The following PCDHGB4 variants were observed in gnomAD, a reference collection of about 807,000 sequenced individuals.
PCDHGB4 encodes the protein protocadherin gamma subfamily B, 4.
A neutral mutation model predicts 60.5 loss-of-function variants in PCDHGB4; 38 were observed. The observed-to-expected ratio is 0.63, with a 90% confidence interval of 0.48 to 0.82. The LOEUF (loss-of-function observed/expected upper bound fraction) is 0.82, where lower values mean the gene tolerates loss of function less well. Among genes scored for constraint, PCDHGB4 ranks in the 40% least tolerant of loss-of-function variants. The pLI, the probability that PCDHGB4 is intolerant of heterozygous loss-of-function variation, is 0.00. For missense variants in PCDHGB4, 1,109 were observed against 1,209.6 expected, an observed-to-expected ratio of 0.92 and a Z score of 1.23; for synonymous variants, 456 against 509.7, an observed-to-expected ratio of 0.89 and a Z score of 1.42.
chr5:141,459,117 T>A (rs1489347692), intron 1 of PCDHGB4, among the ~76,000 whole-genome samples: 1 of 152,224 alleles, frequency 6.6e-6, no homozygotes, highest in Non-Finnish European at 1.5e-5. Flanking sequence ...GACAATTGTT[T>A]ACATCTGTGT....
rs746088761 is a variant in PCDHGB4 at position 141,404,246 on chromosome 5, CT to C, written c.2397+13966del. 9.3e-6 allele frequency: 15 copies of C among 1,613,922 alleles called. 1 individual carries two copies. The highest frequency in any genetic ancestry group is 5.0e-5 in the Admixed American group (3 of 60,012). Reference sequence around the variant, plus strand: ...TGCAACAGACAGAGGAACTCCGCCCCTGTCCACAGAAATTCACATCACCCTG... The same window carrying C: ...TGCAACAGACAGAGGAACTCCGCCCCGTCCACAGAAATTCACATCACCCTG... On this transcript the variant is annotated intron_variant, in intron 1 of 3. Coordinates refer to ENST00000519479, the MANE Select transcript of PCDHGB4 (RefSeq NM_003736.4).
chr5:141,453,423 C>T (rs931962019), intron 1 of PCDHGB4, among the ~76,000 whole-genome samples: 2 of 152,120 alleles, frequency 1.3e-5, no homozygotes, highest in African/African-American at 4.8e-5. Context: ...TAAGCCACCA[C>T]ACCTAGCCTA....
chr5:141,446,408 C>A (rs1211716327), intron 1 of PCDHGB4, among the ~76,000 whole-genome samples: 1 of 151,898 alleles, frequency 6.6e-6, no homozygotes, highest in African/African-American at 2.4e-5. Flanking sequence ...GAGTTGAGTT[C>A]CAGCCATGTT....
chr5:141,480,065 A>G (rs2099511928), intron 1 of PCDHGB4, among the ~76,000 whole-genome samples: 1 of 152,220 alleles, frequency 6.6e-6, no homozygotes, highest in Non-Finnish European at 1.5e-5. Flanking sequence ...TAAGTGTTTT[A>G]TAAGATTCAT....
chr5:141,507,023 C>T (rs971356315), intron 3 of PCDHGB4: 16 of 152,348 alleles, frequency 1.1e-4, no homozygotes, highest in African/African-American at 2.4e-4. Flanking sequence ...AAGGCACTTG[C>T]CCCAGGGTCC....
chr5:141,408,144 G>T (rs868032463), intron 1 of PCDHGB4: 1 of 1,496,068 alleles, frequency 6.7e-7, no homozygotes, highest in South Asian at 1.3e-5. Context: ...CTTTTAGCGC[G>T]GTAGAGTGCA....
chr5:141,489,692 G>C lies in PCDHGB4; in HGVS notation c.2398-5115G>C, dbSNP rs768806028. The stretch of plus-strand genomic sequence containing the variant: ...TCAGAATCAGCAGCATCTGGGGCAC[G>C]ATTCCCACTGGACAGTGCCCAGGAT... On this transcript the variant is annotated intron_variant, in intron 1 of 3. Transcript: ENST00000519479. This position sits in a 1 kb window ranked among gnomAD's most constrained non-coding sequence, Gnocchi z 4.5. 6.2e-7 allele frequency: 1 copy of C among 1,614,128 alleles called. No individual in the cohort carries two copies. Among genetic ancestry groups the C allele is most frequent in the South Asian group, 1.1e-5 (1 of 91,080 alleles).
At chr5:141,473,808 C>G (rs1562041705) in intron 1 of PCDHGB4, among the ~76,000 whole-genome samples, 1 of 152,198 alleles carries the variant, frequency 6.6e-6, no homozygotes, top group Non-Finnish European at 1.5e-5. Flanking sequence ...TACTGAGGAG[C>G]AGCTGGACAA....
intron 1 of PCDHGB4, chr5:141,421,621 C>T (rs2154549322): frequency 6.2e-7 from 1 of 1,613,772 alleles, no homozygotes; most frequent in Non-Finnish European, 8.5e-7. Flanking sequence ...TGATAACGCC[C>T]CCAGCTTCCA....
intron 1 of PCDHGB4, among the ~76,000 whole-genome samples, chr5:141,454,357 TAGAA>T (rs758087339): frequency 3.5e-4 from 54 of 152,354 alleles, no homozygotes; most frequent in Non-Finnish European, 6.3e-4. Context: ...GATCCAAACT[TAGAA>T]AGGAGTATGG....
intron 1 of PCDHGB4, chr5:141,420,295 T>G (rs1282298065): frequency 6.8e-7 from 1 of 1,466,506 alleles, no homozygotes; most frequent in East Asian, 2.3e-5. Flanking sequence ...AAAAATGTAT[T>G]TAATCCTTTT....
At chr5:141,474,965 A>T (rs1268347441) in intron 1 of PCDHGB4, among the ~76,000 whole-genome samples, 1 of 152,236 alleles carries the variant, frequency 6.6e-6, no homozygotes, top group Non-Finnish European at 1.5e-5. Context: ...TATCCTAATC[A>T]TTATAATTTT....
At chr5:141,446,312 T>C (rs2098498076) in intron 1 of PCDHGB4, among the ~76,000 whole-genome samples, 1 of 152,208 alleles carries the variant, frequency 6.6e-6, no homozygotes, top group African/African-American at 2.4e-5. Flanking sequence ...GAGTGATTCC[T>C]GGGTTTCCAC....
At chr5:141,418,744 T>C in intron 1 of PCDHGB4, 1 of 1,613,936 alleles carries the variant, frequency 6.2e-7, no homozygotes, top group Non-Finnish European at 8.5e-7. Context: ...TCTCTCTGGA[T>C]TACACTACAG....
intron 1 of PCDHGB4, 134 bp from the exon 2 acceptor site, chr5:141,494,673 C>G: frequency 4.5e-6 from 7 of 1,542,992 alleles, no homozygotes; most frequent in Non-Finnish European, 6.1e-6. Flanking sequence ...GATGAGTCCA[C>G]CCCTGCCCCC....
At position 141,511,423 on chromosome 5, in the gene PCDHGB4, A is replaced by G. The variant is rs1301463531; in HGVS notation, c.*250A>G. On this transcript the variant is annotated 3_prime_UTR_variant, in exon 4 of 4. Transcript: ENST00000519479. ...AATCAACTGCTGTACCCATGGGGGTAGTGGGGTTACTGTAGACACCAAGAA... is the reference window on the plus strand; with the variant it reads ...AATCAACTGCTGTACCCATGGGGGTGGTGGGGTTACTGTAGACACCAAGAA... 15 of 818,384 alleles carry G rather than the reference A, an allele frequency of 1.8e-5. No homozygotes were observed. Among genetic ancestry groups the G allele is most frequent in the East Asian group, 3.0e-5 (1 of 33,874 alleles). 50.7% of individuals were successfully genotyped at this position (818,384 alleles called of 1,614,324 possible). A position where few individuals can be genotyped will look rare whatever the true frequency, so the allele number is the denominator to read the frequency against.
rs199552905 is a variant in PCDHGB4 at position 141,423,400 on chromosome 5, C to A, written c.2397+33119C>A. On this transcript the variant is annotated intron_variant, in intron 1 of 3. Transcript: ENST00000519479. Reference sequence around the variant, plus strand: ...GCTGTGGCGCTGGCATAAGTCACGCCTGCTGCAGGCTTCTGAAGGCGGGTT... The same window carrying A: ...GCTGTGGCGCTGGCATAAGTCACGCATGCTGCAGGCTTCTGAAGGCGGGTT... 62 of 1,614,152 alleles carry A rather than the reference C, an allele frequency of 3.8e-5. No homozygotes were observed. The African/African-American group carries it at 6.9e-4, about 18-fold the overall frequency.
At chr5:141,494,522 G>C (rs2099754911) in intron 1 of PCDHGB4, among the ~76,000 whole-genome samples, 1 of 152,196 alleles carries the variant, frequency 6.6e-6, no homozygotes, top group Non-Finnish European at 1.5e-5. Flanking sequence ...CAGGAGTTCT[G>C]ACTCTGGGGG....
At chr5:141,406,083 T>C (rs539696065) in intron 1 of PCDHGB4, among the ~76,000 whole-genome samples, 2 of 151,900 alleles carry the variant, frequency 1.3e-5, no homozygotes, top group South Asian at 4.2e-4. Flanking sequence ...TTTTTTTTTT[T>C]TTTTAAGAGA....
Sources: allele counts gnomAD v4.1 joint callset (sites outside exome capture counted in the v4.1 genomes callset), GRCh38; gene constraint gnomAD v4.1.1; non-coding constraint Gnocchi (gnomAD v3.1); transcripts MANE v1.5; gene names NCBI Gene and HGNC (gene_info 2026-07-23, HGNC 2026-07-21).